EPHA4: variants seen among roughly 807,000 people sequenced by gnomAD.
EPHA4 encodes the protein EPH receptor A4.
A neutral mutation model predicts 108.3 loss-of-function variants in EPHA4; 19 were observed. The ratio of observed to expected loss-of-function variants is 0.18; its 90% CI spans 0.12 to 0.26. The LOEUF is 0.26. EPHA4 is among the 10% of genes least tolerant of loss of function. The pLI, the probability that EPHA4 is intolerant of heterozygous loss-of-function variation, is 1.00. For missense variants in EPHA4, 917 were observed against 1,254.0 expected, an observed-to-expected ratio of 0.73 and a Z score of 4.06; for synonymous variants, 449 against 455.5, an observed-to-expected ratio of 0.99 and a Z score of 0.18.
intron 4 of EPHA4, among the ~76,000 whole-genome samples, chr2:221,489,916 G>A (rs927717705): frequency 1.3e-5 from 2 of 152,128 alleles, no homozygotes; most frequent in African/African-American, 4.8e-5. Flanking sequence ...GCCATGGTAG[G>A]TGGAAGGCTT....
intron 17 of EPHA4, among the ~76,000 whole-genome samples, chr2:221,423,684 A>G (rs1689816963): frequency 6.6e-6 from 1 of 151,880 alleles, no homozygotes; most frequent in South Asian, 2.1e-4. Flanking sequence ...CAGAATGGAC[A>G]TGTTCTCTGT....
intron 15 of EPHA4, 79 bp downstream of exon 15, chr2:221,429,879 G>A: frequency 6.5e-7 from 1 of 1,527,280 alleles, no homozygotes; most frequent in Non-Finnish European, 8.9e-7. Flanking sequence ...TGAAAAGGCA[G>A]GAATTTAAGT....
At position 221,518,081 on chromosome 2, in the gene EPHA4, G is replaced by A. The variant is rs534790955; in HGVS notation, c.824-16909C>T. Among the ~76,000 whole-genome samples, 6 of 152,310 alleles carry A rather than the reference G, an allele frequency of 3.9e-5. No homozygotes were observed. In the East Asian group the frequency reaches 1.2e-3, roughly 29 times the overall value. ...TTACAACTGAGGTCTTTACTTTCCT[G>A]TTTCCTCCCAGAACAGAATTTCATC... On this transcript the variant is annotated intron_variant, in intron 3 of 17. Coordinates refer to ENST00000281821, the MANE Select transcript of EPHA4 (RefSeq NM_004438.5).
intron 9 of EPHA4, among the ~76,000 whole-genome samples, chr2:221,443,871 G>A (rs1690508708): frequency 6.6e-6 from 1 of 152,180 alleles, no homozygotes; most frequent in South Asian, 2.1e-4. Flanking sequence ...CCATCCCATG[G>A]AGGAAATTTG....
At position 221,563,758 on chromosome 2, in the gene EPHA4, G is replaced by T; in HGVS notation, c.796C>A (p.His266Asn). ...TGGCATTCTCCGCTCCGCTCCTCAT[G>T]CCCAGCGTTGCATAGGCAGTTGCCA... ...PIGNCLCNAG[H>N]EERSGECQAC... is the part of the protein sequence containing the mutation. The change falls in exon 3 of 18, where the codon CAT becomes AAT. Residue 266 changes from histidine (H) to asparagine (N), a missense_variant. His to Asn is a moderately conservative substitution (Grantham distance 68). This residue lies in a region of EPHA4 where 758 missense variants were observed against 1,076.7 expected (regional missense o/e 0.70). Coordinates refer to ENST00000281821, the MANE Select transcript of EPHA4 (RefSeq NM_004438.5). The T allele has an allele frequency of 6.2e-7, 1 of 1,614,152 alleles. No individual in the cohort carries two copies. Among genetic ancestry groups the T allele is most frequent in the South Asian group, 1.1e-5 (1 of 91,084 alleles).
intron 4 of EPHA4, among the ~76,000 whole-genome samples, chr2:221,488,310 T>C (rs1692036044): frequency 6.6e-6 from 1 of 152,184 alleles, no homozygotes; most frequent in Non-Finnish European, 1.5e-5. Context: ...CTAAAAAGCC[T>C]ATCTAAAAAG....
intron 17 of EPHA4, among the ~76,000 whole-genome samples, chr2:221,423,538 C>G (rs192688995): frequency 2.0e-5 from 3 of 152,152 alleles, no homozygotes; most frequent in African/African-American, 7.2e-5. Flanking sequence ...AAGATTCAGA[C>G]GGTGACCTTT....
intron 4 of EPHA4, among the ~76,000 whole-genome samples, chr2:221,486,907 T>TA (rs1300536028): frequency 1.3e-5 from 2 of 152,140 alleles, no homozygotes; most frequent in Non-Finnish European, 2.9e-5. Flanking sequence ...TACCCAGTGT[T>TA]ATGAAGTGTG....
intron 2 of EPHA4, among the ~76,000 whole-genome samples, chr2:221,567,476 C>T (rs1694701806): frequency 6.6e-6 from 1 of 152,136 alleles, no homozygotes; most frequent in African/African-American, 2.4e-5. Context: ...AGAGGCCTGC[C>T]AATCACTCCT....
intron 11 of EPHA4, among the ~76,000 whole-genome samples, chr2:221,441,501 A>T (rs534430736): frequency 6.6e-6 from 1 of 151,910 alleles, no homozygotes; most frequent in South Asian, 2.1e-4. Flanking sequence ...TAAAACCTAC[A>T]CATTCACCAT....
intron 3 of EPHA4, among the ~76,000 whole-genome samples, chr2:221,546,149 G>C (rs954240021): frequency 6.6e-6 from 1 of 152,146 alleles, no homozygotes; most frequent in African/African-American, 2.4e-5. Flanking sequence ...GCATAGACAC[G>C]ATATATCCAG....
At chr2:221,519,718 C>G (rs1693101094) in intron 3 of EPHA4, among the ~76,000 whole-genome samples, 1 of 152,186 alleles carries the variant, frequency 6.6e-6, no homozygotes, top group Non-Finnish European at 1.5e-5. Flanking sequence ...CTCTGCCACT[C>G]AAAGTCAGCC....
chr2:221,469,413 C>T (rs1243530323), intron 5 of EPHA4, among the ~76,000 whole-genome samples: 1 of 152,162 alleles, frequency 6.6e-6, no homozygotes, highest in Non-Finnish European at 1.5e-5. Flanking sequence ...ACGAGAGGCT[C>T]ATATGACCTC....
At chr2:221,428,614 G>A (rs1295461992) in intron 15 of EPHA4, among the ~76,000 whole-genome samples, 1 of 152,176 alleles carries the variant, frequency 6.6e-6, no homozygotes, top group African/African-American at 2.4e-5. Flanking sequence ...TCTAAAAGGT[G>A]GAAGAGAAGT....
At chr2:221,470,287 T>C (rs911781825) in intron 5 of EPHA4, among the ~76,000 whole-genome samples, 2 of 147,992 alleles carry the variant, frequency 1.4e-5, no homozygotes, top group Non-Finnish European at 3.0e-5. Flanking sequence ...ACGGACAGTA[T>C]AAACTAGAAT....
At chr2:221,484,663 G>T (rs1313402390) in intron 4 of EPHA4, among the ~76,000 whole-genome samples, 1 of 152,108 alleles carries the variant, frequency 6.6e-6, no homozygotes, top group Non-Finnish European at 1.5e-5. Context: ...TAAAATCACC[G>T]ACTCTAAGAG....
chr2:221,564,576 G>GC (rs1553595498), intron 2 of EPHA4, among the ~76,000 whole-genome samples, 182 bp from the exon 3 acceptor site: 1 of 149,370 alleles, frequency 6.7e-6, no homozygotes, highest in Non-Finnish European at 1.5e-5. Context: ...TATTGAGGAA[G>GC]TTTTTTTTTT....
chr2:221,513,290 C>T (rs1692885430), intron 3 of EPHA4, among the ~76,000 whole-genome samples: 2 of 152,268 alleles, frequency 1.3e-5, no homozygotes, highest in Admixed American at 6.5e-5. Flanking sequence ...AAAGTAAAGG[C>T]ACTACAGAGG....
At position 221,436,496 on chromosome 2, in the gene EPHA4, C is replaced by T; in HGVS notation, c.2249G>A (p.Arg750Gln). The T allele has an allele frequency of 6.2e-7, 1 of 1,614,098 alleles. No homozygotes were observed. Among genetic ancestry groups the T allele is most frequent in the Non-Finnish European group, 8.5e-7 (1 of 1,180,014 alleles). ...MSYVHRDLAA[R>Q]NILVNSNLVC... is the part of the protein sequence containing the mutation. Reference sequence around the variant, plus strand: ...CAAGTTGCTGTTCACCAGGATGTTCCGTGCGGCCAGATCACGATGCACATA... The same window carrying T: ...CAAGTTGCTGTTCACCAGGATGTTCTGTGCGGCCAGATCACGATGCACATA... Residue 750 changes from arginine (R) to glutamine (Q), a missense_variant, in exon 13 of 18, where the codon CGG becomes CAG. This residue lies in a region of EPHA4 where 758 missense variants were observed against 1,076.7 expected (regional missense o/e 0.70). Coordinates refer to ENST00000281821, the MANE Select transcript of EPHA4 (RefSeq NM_004438.5).
Sources: gnomAD v4.1 joint callset for allele counts (sites outside exome capture counted in the v4.1 genomes callset) on GRCh38, gnomAD v4.1.1 for gene constraint, gnomAD v4.1.1 regional missense constraint, MANE v1.5 for transcripts, NCBI Gene and HGNC (gene_info 2026-07-23, HGNC 2026-07-21) for gene names.